CMSS1: variants seen among roughly 807,000 people sequenced by gnomAD.
CMSS1 encodes the protein cms1 ribosomal small subunit homolog.
CMSS1 carries 33 observed loss-of-function variants against 43.5 expected under a neutral mutation model. That is an observed-to-expected ratio of 0.76 (90% CI 0.57 to 1.01). The LOEUF (loss-of-function observed/expected upper bound fraction) is 1.01. Among genes scored for constraint, CMSS1 ranks in the 50% least tolerant of loss-of-function variants. The probability of loss-of-function intolerance (pLI) is 0.00; values close to 1 mark genes in which losing one functional copy is unlikely to be tolerated. For missense variants in CMSS1, 313 were observed against 326.4 expected, an observed-to-expected ratio of 0.96 and a Z score of 0.32; for synonymous variants, 115 against 117.2, an observed-to-expected ratio of 0.98 and a Z score of 0.12.
chr3:99,985,352 C>T (rs1709307072), intron 1 of CMSS1, among the ~76,000 whole-genome samples: 1 of 151,842 alleles, frequency 6.6e-6, no homozygotes, highest in Non-Finnish European at 1.5e-5. Flanking sequence ...AACAACATGG[C>T]GAAACCTCAT....
rs1942834854 is a variant in CMSS1, at chr3:99,834,921, T to C, written c.64+16878T>C. On this transcript the variant is annotated intron_variant, in intron 1 of 9. Transcript: ENST00000421999. ...GGATTGAAATACCTACTTGTAAGTT[T>C]TCTTTGGGGAGTAGAGATATTGTGT... 3.3e-5 allele frequency among the ~76,000 whole-genome samples: 5 copies of C among 152,232 alleles called. No homozygotes were observed. The South Asian group carries it at 1.0e-3, about 32-fold the overall frequency.
Position 99,963,716 on chromosome 3 carries a change from G to A in CMSS1, c.64+145673G>A, listed in dbSNP as rs115161367. On this transcript the variant is annotated intron_variant, in intron 1 of 9. Transcript: ENST00000421999. ...AGCCTCGCCTCCAGGGTCCTGGTTC[G>A]AGCAATTCTCCTGTCTCAGCTTCCT... Among the ~76,000 whole-genome samples the A allele has an allele frequency of 7.9e-5, 12 of 151,962 alleles. No homozygotes were observed. In the East Asian group the frequency reaches 2.1e-3, roughly 27 times the overall value.
intron 1 of CMSS1, among the ~76,000 whole-genome samples, chr3:99,906,369 A>C (rs1318755053): frequency 6.6e-6 from 1 of 152,084 alleles, no homozygotes; most frequent in Non-Finnish European, 1.5e-5. Flanking sequence ...TTGGGTTGTC[A>C]GTCTTATTTT....
chr3:99,889,607 C>G (rs865788033), intron 1 of CMSS1, among the ~76,000 whole-genome samples: 1 of 151,866 alleles, frequency 6.6e-6, no homozygotes, highest in Non-Finnish European at 1.5e-5. Flanking sequence ...TTTGATAATT[C>G]CATTTGTACC....
intron 1 of CMSS1, among the ~76,000 whole-genome samples, chr3:100,082,124 A>G (rs2065941712): frequency 6.6e-6 from 1 of 152,234 alleles, no homozygotes; most frequent in South Asian, 2.1e-4. Context: ...AGTCTTTAAA[A>G]TGAAATTGCA....
At chr3:100,166,120 T>G (rs1347005059) in intron 4 of CMSS1, among the ~76,000 whole-genome samples, 1 of 152,222 alleles carries the variant, frequency 6.6e-6, no homozygotes, top group African/African-American at 2.4e-5. Context: ...ATTTCACTGC[T>G]CTAAGAAATT....
intron 1 of CMSS1, among the ~76,000 whole-genome samples, chr3:99,895,768 T>C (rs567879403): frequency 6.6e-6 from 1 of 152,352 alleles, no homozygotes; most frequent in South Asian, 2.1e-4. Context: ...CATCAAGTTT[T>C]CTGTTGACTC....
At chr3:100,084,113 C>G (rs926013890) in intron 1 of CMSS1, among the ~76,000 whole-genome samples, 1 of 152,100 alleles carries the variant, frequency 6.6e-6, no homozygotes, top group Non-Finnish European at 1.5e-5. Flanking sequence ...AATAAAGCCT[C>G]GGGCCATGAG....
At chr3:100,172,467 T>C in intron 8 of CMSS1, 64 bp downstream of exon 8, 1 of 1,196,206 alleles carries the variant, frequency 8.4e-7, no homozygotes, top group Non-Finnish European at 1.2e-6. Context: ...TACATGTGAG[T>C]CTCAGAAACT....
intron 1 of CMSS1, among the ~76,000 whole-genome samples, chr3:99,964,142 A>G (rs754660650): frequency 6.6e-6 from 1 of 152,060 alleles, no homozygotes. Flanking sequence ...TTATATGCTC[A>G]GTAGGAAGTA....
intron 1 of CMSS1, among the ~76,000 whole-genome samples, chr3:99,966,515 G>A (rs140147334): frequency 1.1e-4 from 17 of 152,154 alleles, no homozygotes; most frequent in African/African-American, 2.9e-4. Context: ...AAAATAGTAC[G>A]GAGACTTAGA....
intron 1 of CMSS1, among the ~76,000 whole-genome samples, chr3:99,914,750 T>A (rs1339780681): frequency 6.6e-6 from 1 of 152,184 alleles, no homozygotes; most frequent in East Asian, 1.9e-4. Context: ...GCATAAAAAT[T>A]CATTGGAATG....
chr3:100,141,786 T>G, intron 1 of CMSS1: 1 of 341,298 alleles, frequency 2.9e-6, no homozygotes, highest in Non-Finnish European at 5.7e-6. Context: ...AAGTAGACTC[T>G]TCAAGGAGTT....
intron 1 of CMSS1, chr3:99,929,842 A>G (rs1300425143): frequency 8.7e-6 from 14 of 1,601,998 alleles, no homozygotes; most frequent in African/African-American, 4.0e-5. Context: ...ACACACCCCT[A>G]TTGTGGTACA....
chr3:100,011,281 A>G (rs1710148952), intron 1 of CMSS1, among the ~76,000 whole-genome samples: 1 of 152,324 alleles, frequency 6.6e-6, no homozygotes, highest in South Asian at 2.1e-4. Context: ...CTCTTTCTGT[A>G]GAACTCGACA....
At chr3:99,888,516 C>T (rs772353074) in intron 1 of CMSS1, among the ~76,000 whole-genome samples, 20 of 152,144 alleles carry the variant, frequency 1.3e-4, no homozygotes, top group Non-Finnish European at 4.4e-5. Flanking sequence ...AAAACAAAAG[C>T]ACCCCTGAAT....
intron 1 of CMSS1, among the ~76,000 whole-genome samples, chr3:99,964,070 A>C (rs543808037): frequency 3.2e-4 from 48 of 152,192 alleles, no homozygotes; most frequent in African/African-American, 1.2e-3. Flanking sequence ...AATAATTGTT[A>C]TGTGATTAAA....
At chr3:99,876,240 G>A (rs1394136550) in intron 1 of CMSS1, 1 of 984,948 alleles carries the variant, frequency 1.0e-6, no homozygotes, top group Non-Finnish European at 1.2e-6. Context: ...AAGGCGCTCC[G>A]CGTGTGCGGC....
At chr3:100,075,905 C>T (rs989395299) in intron 1 of CMSS1, among the ~76,000 whole-genome samples, 20 of 152,156 alleles carry the variant, frequency 1.3e-4, no homozygotes, top group Non-Finnish European at 2.9e-4. Flanking sequence ...GGATTCGATT[C>T]AGGAGAGCTG....
Sources: allele counts gnomAD v4.1 joint callset (sites outside exome capture counted in the v4.1 genomes callset), GRCh38; gene constraint gnomAD v4.1.1; transcripts MANE v1.5; gene names NCBI Gene and HGNC (gene_info 2026-07-23, HGNC 2026-07-21).